FLVCR2: variants seen among roughly 807,000 people sequenced by gnomAD.
FLVCR2 encodes the protein choline/ethanolamine transporter FLVCR2.
Under a neutral mutation model 48.9 loss-of-function variants are expected in FLVCR2, and 38 were observed. That is an observed-to-expected ratio of 0.78 (90% CI 0.60 to 1.02). The LOEUF is 1.02. FLVCR2 is among the 50% of genes least tolerant of loss of function. The probability of loss-of-function intolerance (pLI) is 0.00; values close to 1 mark genes in which losing one functional copy is unlikely to be tolerated. For synonymous variants in FLVCR2, 255 were observed against 257.0 expected (o/e 0.99, Z 0.07); for missense variants, 664 against 663.3 (o/e 1.00, Z -0.01).
In FLVCR2 at chr14:75,578,650, A is replaced by C; in HGVS notation, c.-323A>C. ...ACTCTGCGGGCGAAGTGGCTGCGCA[A>C]GGAGAGAACTTTTCCTGCACAAGGA... On this transcript the variant is annotated 5_prime_UTR_variant, in exon 1 of 10. Coordinates refer to ENST00000238667, the MANE Select transcript of FLVCR2 (RefSeq NM_017791.3). The C allele has an allele frequency of 7.0e-6, 3 of 429,252 alleles. No individual in the cohort carries two copies. Among genetic ancestry groups the C allele is most frequent in the East Asian group, 4.9e-5 (1 of 20,476 alleles). 26.6% of individuals were successfully genotyped at this position (429,252 alleles called of 1,614,324 possible).
rs112607227 is a variant in FLVCR2 at position 75,620,600 on chromosome 14, T to A, written c.670-1479T>A. Among the ~76,000 whole-genome samples the A allele has an allele frequency of 6.8e-3, 1,039 of 152,384 alleles. 18 individuals are homozygous for A. The highest frequency in any genetic ancestry group is 0.024 in the African/African-American group (985 of 41,598). On this transcript the variant is annotated intron_variant, in intron 1 of 9. Transcript: ENST00000238667. ...TTTTAACATTTTTCCTGCTAACAGA[T>A]TATTAAGCTCCTTGAAGGCAGAAAC...
At chr14:75,632,046 G>C (rs1196953986) in intron 3 of FLVCR2, among the ~76,000 whole-genome samples, 3 of 152,166 alleles carry the variant, frequency 2.0e-5, no homozygotes, top group Admixed American at 1.3e-4. Flanking sequence ...CATCCCTGGG[G>C]TGAACTGCTG....
intron 4 of FLVCR2, among the ~76,000 whole-genome samples, chr14:75,634,044 A>G (rs1385371427): frequency 6.6e-6 from 1 of 152,158 alleles, no homozygotes; most frequent in Admixed American, 6.5e-5. Context: ...TATGTGATAC[A>G]TGTATTTATT....
chr14:75,620,985 T>C (rs558198785), intron 1 of FLVCR2, among the ~76,000 whole-genome samples: 9 of 152,356 alleles, frequency 5.9e-5, no homozygotes, highest in African/African-American at 2.2e-4. Context: ...GAAGCTTGCC[T>C]GAGTTCACAA....
At chr14:75,641,109 C>T (rs770581405) in intron 7 of FLVCR2, 49 bp downstream of exon 7, 4 of 1,555,548 alleles carry the variant, frequency 2.6e-6, no homozygotes, top group Non-Finnish European at 3.6e-6. Flanking sequence ...GGCATTGCAT[C>T]ATGGCAGCTC....
chr14:75,579,466 C>T lies in FLVCR2; in HGVS notation c.494C>T (p.Ala165Val), dbSNP rs1327081203. The change falls in exon 1 of 10, where the codon GCC becomes GTC. Residue 165 changes from alanine to valine, a missense_variant. Ala to Val is a moderately conservative substitution (Grantham distance 64, BLOSUM62 0). Transcript: ENST00000238667. ...LTGSALNCLGAWVKLGSLKPH... is the reference protein window; with the variant it reads ...LTGSALNCLGVWVKLGSLKPH... ...GGCTCGGCTCTCAACTGCCTGGGGG[C>T]CTGGGTGAAGCTGGGCAGCCTGAAG... 1 of 1,613,608 alleles carries T rather than the reference C, an allele frequency of 6.2e-7. No homozygotes were observed. The highest frequency in any genetic ancestry group is 2.2e-5 in the East Asian group (1 of 44,884).
At chr14:75,607,909 C>A (rs1425113588) in intron 1 of FLVCR2, among the ~76,000 whole-genome samples, 1 of 152,154 alleles carries the variant, frequency 6.6e-6, no homozygotes, top group East Asian at 1.9e-4. Flanking sequence ...TCTATCTCTA[C>A]AAAAATAGTT....
intron 8 of FLVCR2, 84 bp from the exon 9 acceptor site, chr14:75,641,759 C>T (rs1890312462): frequency 7.9e-7 from 1 of 1,272,456 alleles, no homozygotes; most frequent in African/African-American, 1.5e-5. Flanking sequence ...TACCTGTGAC[C>T]CTTAGGAAAT....
chr14:75,605,909 A>G (rs948996826), intron 1 of FLVCR2: 15 of 449,978 alleles, frequency 3.3e-5, no homozygotes, highest in Non-Finnish European at 5.3e-5. Flanking sequence ...CTGGGTTGAC[A>G]TGGCTGGGTC....
At chr14:75,615,367 G>A (rs1343817971) in intron 1 of FLVCR2, among the ~76,000 whole-genome samples, 1 of 152,196 alleles carries the variant, frequency 6.6e-6, no homozygotes, top group African/African-American at 2.4e-5. Context: ...AAGTGAAGCA[G>A]AACCAGGGTA....
At chr14:75,642,370 G>A (rs12588055) in intron 9 of FLVCR2, among the ~76,000 whole-genome samples, 27,324 of 152,218 alleles carry the variant, frequency 0.18, 3,094 homozygotes, top group African/African-American at 0.32. Context: ...CATGGGGACG[G>A]AGCCAAAGAA....
chr14:75,631,250 T>C (rs1890030822), intron 3 of FLVCR2, among the ~76,000 whole-genome samples: 1 of 152,202 alleles, frequency 6.6e-6, no homozygotes, highest in South Asian at 2.1e-4. Context: ...GGATGGCTGT[T>C]GTTTAACCAC....
rs560151318 is a variant in FLVCR2 at position 75,597,697 on chromosome 14, G to A, written c.669+18056G>A. Among the ~76,000 whole-genome samples, 3 of 152,202 alleles carry A rather than the reference G, an allele frequency of 2.0e-5. No homozygotes were observed. The South Asian group carries it at 6.2e-4, about 32-fold the overall frequency. On this transcript the variant is annotated intron_variant, in intron 1 of 9. Transcript: ENST00000238667. ...TCATTCTCATGCCTCAGCCTCCTGA[G>A]TAGCTGGGATTACAGGTGCCCGCCA...
rs1292066472 is a variant in FLVCR2, at chr14:75,648,002, T to C, written c.*1530T>C. On this transcript the variant is annotated 3_prime_UTR_variant, in exon 10 of 10. Transcript: ENST00000238667. ...GTAGTGAGTCAGTGTGGAAGAGAGG[T>C]GAGGGTGTGCTTTACTTTTTGATAA... The C allele has an allele frequency of 6.5e-6, 1 of 152,812 alleles. No homozygotes were observed. The highest frequency in any genetic ancestry group is 2.4e-5 in the African/African-American group (1 of 41,420). 9.5% of individuals were successfully genotyped at this position (152,812 alleles called of 1,614,324 possible).
At chr14:75,639,679 C>A (rs375859134) in intron 6 of FLVCR2, among the ~76,000 whole-genome samples, 1 of 152,116 alleles carries the variant, frequency 6.6e-6, no homozygotes, top group Non-Finnish European at 1.5e-5. Context: ...TGAAGCACAC[C>A]CTTCGCGACC....
rs1888526837 is a variant in FLVCR2, at chr14:75,579,080, T to C, written c.108T>C (p.His36=). 6.2e-7 allele frequency: 1 copy of C among 1,612,200 alleles called. No homozygotes were observed. The highest frequency in any genetic ancestry group is 1.1e-5 in the South Asian group (1 of 91,012). The change falls in exon 1 of 10, where the codon CAT becomes CAC. Residue 36 remains histidine, a synonymous_variant. Transcript: ENST00000238667. ...SVSVHPSVSV[H]PSVSINPSVS... The stretch of plus-strand genomic sequence containing the variant: ...CGGTCCATCCCAGCGTCTCGGTCCA[T>C]CCCAGCGTCTCCATCAACCCCAGCG...
chr14:75,645,047 T>G (rs865937836), intron 9 of FLVCR2, among the ~76,000 whole-genome samples: 1 of 139,130 alleles, frequency 7.2e-6, no homozygotes, highest in Non-Finnish European at 1.6e-5. Context: ...TGTGTGTGTG[T>G]GTGTGTGTGT....
chr14:75,633,631 CTGAA>C lies in FLVCR2; in HGVS notation c.958_961del (p.Asn320LeufsTer11). The C allele has an allele frequency of 6.2e-7, 1 of 1,613,732 alleles. No homozygotes were observed. The highest frequency in any genetic ancestry group is 8.5e-7 in the Non-Finnish European group (1 of 1,179,612). ...GTATTTCTCGCTCCCTTCTTCAGGT[CTGAA>C]TGCTGGTGCTTTTTATGCCTTGTCC... is the stretch of plus-strand genomic sequence containing the variant. On this transcript the variant is annotated frameshift_variant, in exon 4 of 10. Coordinates refer to ENST00000238667, the MANE Select transcript of FLVCR2 (RefSeq NM_017791.3). LOFTEE classifies it high-confidence loss of function.
At chr14:75,638,124 A>C (rs1371982768) in intron 5 of FLVCR2, among the ~76,000 whole-genome samples, 1 of 152,148 alleles carries the variant, frequency 6.6e-6, no homozygotes, top group Non-Finnish European at 1.5e-5. Flanking sequence ...GGAGTGGAGT[A>C]GTTCAGACTC....
Sources: allele counts gnomAD v4.1 joint callset (sites outside exome capture counted in the v4.1 genomes callset), GRCh38; gene constraint gnomAD v4.1.1; transcripts MANE v1.5; gene names NCBI Gene and HGNC (gene_info 2026-07-23, HGNC 2026-07-21).